The following TANGO2 variants were observed in gnomAD, a reference collection of about 807,000 sequenced individuals.
TANGO2 encodes the protein transport and golgi organization 2 homolog, also known as transport and Golgi organization protein 2 homolog.
In TANGO2, 26 loss-of-function variants were observed where a neutral mutation model predicts 39.1. The ratio of observed to expected loss-of-function variants is 0.67; its 90% CI spans 0.49 to 0.92. TANGO2 has a LOEUF of 0.92. Among genes scored for constraint, TANGO2 ranks in the 40% least tolerant of loss-of-function variants. TANGO2 has a pLI of 0.00. For missense variants in TANGO2, 326 were observed against 360.1 expected (o/e 0.91, Z 0.77); for synonymous variants, 131 against 144.5 (o/e 0.91, Z 0.67).
upstream of TANGO2, chr22:20,019,207 C>G (rs944063007): frequency 6.6e-6 from 1 of 152,250 alleles, no homozygotes; most frequent in Non-Finnish European, 1.5e-5. Flanking sequence ...GTGAGGCCCC[C>G]GGAGAAAGCC....
At position 20,064,864 on chromosome 22, in the gene TANGO2, C is replaced by G; in HGVS notation, c.*202C>G. On this transcript the variant is annotated 3_prime_UTR_variant, in exon 9 of 9. Coordinates refer to ENST00000327374, the MANE Select transcript of TANGO2 (RefSeq NM_152906.7). ...GGTCTGCCTTTATGCCAGTGAGGAG[C>G]AGCAGAGTCTGATACTAGGTCTAGG... 1.6e-6 allele frequency: 1 copy of G among 645,026 alleles called. No homozygotes were observed. Among genetic ancestry groups the G allele is most frequent in the Non-Finnish European group, 2.6e-6 (1 of 385,982 alleles). 40.0% of individuals were successfully genotyped at this position (645,026 alleles called of 1,614,324 possible).
At chr22:20,043,475 C>A in intron 3 of TANGO2, 32 bp downstream of exon 3, 1 of 1,486,820 alleles carries the variant, frequency 6.7e-7, no homozygotes, top group Non-Finnish European at 9.4e-7. Context: ...GCGGTGGCTG[C>A]GCCTTGTTGC....
intron 1 of TANGO2, among the ~76,000 whole-genome samples, chr22:20,032,579 C>A (rs1395512638): frequency 6.6e-6 from 1 of 152,272 alleles, no homozygotes; most frequent in Non-Finnish European, 1.5e-5. Flanking sequence ...CCTTCTTGGA[C>A]TGCCAAGGAC....
At chr22:20,033,234 C>T (rs370338599) in intron 1 of TANGO2, 60 of 528,416 alleles carry the variant, frequency 1.1e-4, no homozygotes, top group Middle Eastern at 3.2e-4. Context: ...ACCGCGTCTT[C>T]GTCGAGGCCA....
chr22:20,022,725 CG>C (rs975331961), intron 1 of TANGO2, among the ~76,000 whole-genome samples: 21 of 152,264 alleles, frequency 1.4e-4, no homozygotes, highest in Admixed American at 1.3e-4. Context: ...GAGGGCACCC[CG>C]GTGCCCACCC....
At position 20,052,389 on chromosome 22, in the gene TANGO2, G is replaced by A. The variant is rs981341612; in HGVS notation, c.146-76G>A. 92 of 1,541,170 alleles carry A rather than the reference G, an allele frequency of 6.0e-5. No individual in the cohort carries two copies. The East Asian group carries it at 6.8e-4, about 11-fold the overall frequency. Reference sequence around the variant, plus strand: ...GAGGCAGGAGCTGGGCCGAGTATGCGTCTCCCAGGGCTGGGAACCAGGTGG... The same window carrying A: ...GAGGCAGGAGCTGGGCCGAGTATGCATCTCCCAGGGCTGGGAACCAGGTGG... On this transcript the variant is annotated intron_variant, in intron 3 of 8. Transcript: ENST00000327374.
At chr22:20,059,632 A>G (rs1316638167) in intron 6 of TANGO2, among the ~76,000 whole-genome samples, 1 of 152,176 alleles carries the variant, frequency 6.6e-6, no homozygotes, top group Non-Finnish European at 1.5e-5. Flanking sequence ...TCTGATGGCT[A>G]TGATGTTGAG....
intron 3 of TANGO2, among the ~76,000 whole-genome samples, chr22:20,052,048 G>A (rs1249618048): frequency 2.0e-5 from 3 of 152,166 alleles, no homozygotes; most frequent in African/African-American, 7.2e-5. Flanking sequence ...TGTGTGCTGG[G>A]CTCCTAGTGA....
At chr22:20,043,727 G>A (rs1189908523) in intron 3 of TANGO2, among the ~76,000 whole-genome samples, 1 of 152,130 alleles carries the variant, frequency 6.6e-6, no homozygotes. Context: ...TTTGCTGAGG[G>A]CATGTGGGTG....
At chr22:20,061,826 C>G (rs1213570163) in intron 7 of TANGO2, 143 bp downstream of exon 7, 2 of 1,058,154 alleles carry the variant, frequency 1.9e-6, no homozygotes, top group Non-Finnish European at 2.7e-6. Flanking sequence ...ATATCCTGTC[C>G]TCCCTGCCTG....
At chr22:20,051,919 T>C (rs750457438) in intron 3 of TANGO2, among the ~76,000 whole-genome samples, 11 of 152,208 alleles carry the variant, frequency 7.2e-5, no homozygotes, top group Non-Finnish European at 1.2e-4. Flanking sequence ...CCCCAATCTT[T>C]GGGTAAAATG....
chr22:20,062,326 G>A (rs759922223), intron 7 of TANGO2, among the ~76,000 whole-genome samples: 4 of 151,970 alleles, frequency 2.6e-5, no homozygotes, highest in South Asian at 4.2e-4. Context: ...CCCATCCCTC[G>A]CTCCCCACCC....
intron 5 of TANGO2, chr22:20,053,968 T>C (rs2046890020): frequency 2.9e-6 from 1 of 347,290 alleles, no homozygotes. Context: ...TTTGGTGTTT[T>C]GCCCTTCCGT....
At chr22:20,060,998 G>A (rs1001160068) in intron 6 of TANGO2, among the ~76,000 whole-genome samples, 1 of 152,158 alleles carries the variant, frequency 6.6e-6, no homozygotes, top group African/African-American at 2.4e-5. Context: ...AGAGCCCCCC[G>A]GCTCTCCTAA....
chr22:20,055,525 A>C (rs2047170950), intron 5 of TANGO2: 1 of 274,476 alleles, frequency 3.6e-6, no homozygotes, highest in Non-Finnish European at 7.1e-6. Flanking sequence ...CCCTGGGGCC[A>C]CACTGGGGCC....
At chr22:20,060,821 C>T (rs988158202) in intron 6 of TANGO2, among the ~76,000 whole-genome samples, 1 of 152,136 alleles carries the variant, frequency 6.6e-6, no homozygotes, top group African/African-American at 2.4e-5. Flanking sequence ...GGGTGCTTGG[C>T]TCCCATCAAG....
chr22:20,036,161 G>A (rs183191914), intron 1 of TANGO2, among the ~76,000 whole-genome samples: 8 of 152,232 alleles, frequency 5.3e-5, no homozygotes, highest in Admixed American at 2.6e-4. Context: ...AGCAAGACAA[G>A]CCCCCAAAAA....
Position 20,061,496 on chromosome 22 carries a change from G to A in TANGO2, c.452-34G>A, listed in dbSNP as rs374944918. The A allele has an allele frequency of 2.5e-6, 4 of 1,573,628 alleles. No individual in the cohort carries two copies. The African/African-American group carries it at 4.0e-5, about 16-fold the overall frequency. ...AATTTGCCCTGACATGGCACAGCAGGGCCTCTGCATGGCCCGCTGATTGCT... is the reference window on the plus strand; with the variant it reads ...AATTTGCCCTGACATGGCACAGCAGAGCCTCTGCATGGCCCGCTGATTGCT... On this transcript the variant is annotated intron_variant, in intron 6 of 8. Coordinates refer to ENST00000327374, the MANE Select transcript of TANGO2 (RefSeq NM_152906.7).
chr22:20,021,939 C>T (rs1439395368), intron 1 of TANGO2, among the ~76,000 whole-genome samples: 1 of 152,260 alleles, frequency 6.6e-6, no homozygotes, highest in Non-Finnish European at 1.5e-5. Context: ...CTCAGGCCCC[C>T]TTCCTCTTCA....
Sources: allele counts gnomAD v4.1 joint callset (sites outside exome capture counted in the v4.1 genomes callset), GRCh38; gene constraint gnomAD v4.1.1; transcripts MANE v1.5; gene names NCBI Gene and HGNC (gene_info 2026-07-23, HGNC 2026-07-21).